The following RARB variants were observed in gnomAD, a reference collection of about 807,000 sequenced individuals.
RARB encodes HBV-activated protein.
Under a neutral mutation model 51.9 loss-of-function variants are expected in RARB, and 17 were observed. That is an observed-to-expected ratio of 0.33 (90% confidence interval 0.22 to 0.49). The LOEUF is 0.49. RARB is among the 20% of genes least tolerant of loss of function. The pLI, the probability that RARB is intolerant of heterozygous loss-of-function variation, is 0.99. For missense variants in RARB, 369 were observed against 550.8 expected, an observed-to-expected ratio of 0.67 and a Z score of 3.30; for synonymous variants, 215 against 195.4, an observed-to-expected ratio of 1.10 and a Z score of -0.84.
intron 2 of RARB, among the ~76,000 whole-genome samples, chr3:24,956,021 C>A (rs6780762): frequency 0.57 from 87,253 of 151,880 alleles, 26,485 homozygotes; most frequent in African/African-American, 0.76. Context: ...AGGCTGTCTT[C>A]GTCAGATTAG....
chr3:25,205,998 A>G lies in RARB; in HGVS notation c.178+31423A>G, dbSNP rs190341709. On this transcript the variant is annotated intron_variant, in intron 5 of 11. Coordinates refer to the RARB transcript ENST00000383772. ...CAACTGTAGTCTAAGTGTTCCAAGC[A>G]TGTTTAAGGTAGACTAGGCTAAGCT... Among the ~76,000 whole-genome samples, 789 of 152,320 alleles carry G rather than the reference A, an allele frequency of 5.2e-3. 5 individuals are homozygous for G. Among genetic ancestry groups the G allele is most frequent in the African/African-American group, 0.017 (723 of 41,570 alleles).
chr3:25,540,941 C>T (rs1286269847), intron 3 of RARB, among the ~76,000 whole-genome samples: 1 of 146,714 alleles, frequency 6.8e-6, no homozygotes, highest in African/African-American at 2.6e-5. Flanking sequence ...TGGCTTCTAC[C>T]CCAACCACTC....
intron 1 of RARB, among the ~76,000 whole-genome samples, chr3:25,439,283 C>A (rs1419486373): frequency 1.3e-5 from 2 of 151,544 alleles, no homozygotes; most frequent in African/African-American, 2.4e-5. Flanking sequence ...TTTTAAGTAT[C>A]TATTGTGTGC....
At chr3:25,112,526 C>T (rs1380284775) in intron 3 of RARB, among the ~76,000 whole-genome samples, 3 of 152,006 alleles carry the variant, frequency 2.0e-5, no homozygotes, top group African/African-American at 4.8e-5. Context: ...CCTGTAATCC[C>T]AGCACTTTGG....
intron 5 of RARB, among the ~76,000 whole-genome samples, chr3:25,323,304 C>A (rs1303314331): frequency 6.6e-6 from 1 of 152,190 alleles, no homozygotes; most frequent in Non-Finnish European, 1.5e-5. Context: ...ATGGCACAGC[C>A]ACATTACAAA....
intron 5 of RARB, among the ~76,000 whole-genome samples, chr3:25,394,635 T>C (rs1384900): frequency 0.86 from 130,397 of 152,116 alleles, 56,125 homozygotes; most frequent in East Asian, 1. Context: ...GGAAGTAATC[T>C]TTTTATAATT....
chr3:25,053,905 A>G (rs1473526831), intron 2 of RARB, among the ~76,000 whole-genome samples: 4 of 152,284 alleles, frequency 2.6e-5, no homozygotes, highest in Non-Finnish European at 4.4e-5. Flanking sequence ...ATCTTTTGAA[A>G]TGTATCTTTG....
rs189529668 is a variant in RARB at position 25,076,877 on chromosome 3, C to T, written c.-328+16701C>T. 3.7e-3 allele frequency among the ~76,000 whole-genome samples: 564 copies of T among 152,310 alleles called. 9 individuals carry two copies. The highest frequency in any genetic ancestry group is 1.1e-3 in the Non-Finnish European group (75 of 68,018). ...TTACTTTATGAACCACAATGCTTCC[C>T]ATGAGACATTTCCCATGACAGTGGG... On this transcript the variant is annotated intron_variant, in intron 3 of 11. Coordinates refer to the RARB transcript ENST00000383772.
intron 3 of RARB, among the ~76,000 whole-genome samples, chr3:25,504,648 AGGCACTCT>A (rs1697482137): frequency 1.3e-5 from 2 of 152,096 alleles, no homozygotes; most frequent in Non-Finnish European, 2.9e-5. Flanking sequence ...GCTGTTCCCA[AGGCACTCT>A]TCTTTATGCT....
At chr3:25,101,245 C>A (rs926712411) in intron 3 of RARB, among the ~76,000 whole-genome samples, 2 of 152,132 alleles carry the variant, frequency 1.3e-5, no homozygotes, top group African/African-American at 4.8e-5. Context: ...ATGACCTATA[C>A]TATACCTGAG....
At chr3:25,098,551 C>A (rs1444868474) in intron 3 of RARB, among the ~76,000 whole-genome samples, 1 of 152,084 alleles carries the variant, frequency 6.6e-6, no homozygotes, top group Non-Finnish European at 1.5e-5. Context: ...AAAAGATGAA[C>A]CTAGATCAGG....
intron 2 of RARB, among the ~76,000 whole-genome samples, chr3:24,951,948 C>T (rs144926279): frequency 1.7e-3 from 260 of 152,300 alleles, no homozygotes; most frequent in African/African-American, 6.0e-3. Flanking sequence ...TTATAGGAAA[C>T]GTAATACACC....
In RARB at chr3:25,267,153, G is replaced by A. The variant is rs191011433; in HGVS notation, c.178+92578G>A. Among the ~76,000 whole-genome samples the A allele has an allele frequency of 9.2e-5, 14 of 152,278 alleles. No homozygotes were observed. The East Asian group carries it at 1.5e-3, about 17-fold the overall frequency. On this transcript the variant is annotated intron_variant, in intron 5 of 11. Coordinates refer to the RARB transcript ENST00000383772. Reference sequence around the variant, plus strand: ...TTAGCTAGCTACAGCAGATTGTACCGAGTGTTCTACAGGGAGATATTCTGA... The same window carrying A: ...TTAGCTAGCTACAGCAGATTGTACCAAGTGTTCTACAGGGAGATATTCTGA...
chr3:25,252,768 T>G (rs185922370), intron 5 of RARB, among the ~76,000 whole-genome samples: 6 of 152,330 alleles, frequency 3.9e-5, no homozygotes, highest in African/African-American at 1.2e-4. Context: ...GCTTCAAATT[T>G]ATCTATATCC....
chr3:25,383,132 T>G (rs904502360), intron 5 of RARB, among the ~76,000 whole-genome samples: 5 of 152,212 alleles, frequency 3.3e-5, no homozygotes, highest in Admixed American at 1.3e-4. Flanking sequence ...ACCTTTATAT[T>G]TAGCCAGATT....
intron 5 of RARB, among the ~76,000 whole-genome samples, chr3:25,310,055 C>T (rs1423331250): frequency 6.6e-6 from 1 of 152,154 alleles, no homozygotes; most frequent in Non-Finnish European, 1.5e-5. Flanking sequence ...TTGAGCAGGC[C>T]ATGTGATGAA....
At chr3:25,194,268 C>T (rs1044236516) in intron 5 of RARB, among the ~76,000 whole-genome samples, 7 of 151,570 alleles carry the variant, frequency 4.6e-5, no homozygotes, top group African/African-American at 1.7e-4. Context: ...TCAGAGAAGG[C>T]AGACTTGTAG....
At chr3:25,560,585 C>G (rs113780430) in intron 3 of RARB, among the ~76,000 whole-genome samples, 5 of 152,290 alleles carry the variant, frequency 3.3e-5, no homozygotes, top group African/African-American at 1.2e-4. Flanking sequence ...TAGAGGTGAA[C>G]CCACTGGAAG....
At chr3:25,074,433 G>C (rs1698830347) in intron 3 of RARB, among the ~76,000 whole-genome samples, 1 of 152,038 alleles carries the variant, frequency 6.6e-6, no homozygotes, top group African/African-American at 2.4e-5. Context: ...TTACTCCCTA[G>C]GAATTCTCCA....
Sources: allele counts gnomAD v4.1 joint callset (sites outside exome capture counted in the v4.1 genomes callset), GRCh38; gene constraint gnomAD v4.1.1; transcripts MANE v1.5; gene names NCBI Gene and HGNC (gene_info 2026-07-23, HGNC 2026-07-21).